The following TCF4 variants were observed in gnomAD, a reference collection of about 807,000 sequenced individuals.
The protein encoded by TCF4 is SL3-3 enhancer factor 2.
TCF4 carries 3 observed loss-of-function variants against 82.1 expected under a neutral mutation model. That is an observed-to-expected ratio of 0.04 (90% confidence interval 0.02 to 0.09). The LOEUF is 0.09. TCF4 is among the 10% of genes least tolerant of loss of function. The pLI is 1.00. For missense variants in TCF4, 518 were observed against 852.7 expected, an observed-to-expected ratio of 0.61 and a Z score of 4.89; for synonymous variants, 276 against 309.6, an observed-to-expected ratio of 0.89 and a Z score of 1.14.
intron 6 of TCF4, chr18:55,400,904 G>A (rs2093776336): frequency 5.7e-6 from 7 of 1,228,706 alleles, no homozygotes; most frequent in East Asian, 1.1e-4. Context: ...AGCTTTTGGA[G>A]CTCCTTAGGG....
intron 6 of TCF4, among the ~76,000 whole-genome samples, chr18:55,357,854 A>C (rs1305011310): frequency 6.6e-6 from 1 of 152,230 alleles, no homozygotes; most frequent in Non-Finnish European, 1.5e-5. Context: ...ACTATAACAA[A>C]GTGTCCCGCT....
chr18:55,446,339 C>T lies in TCF4; in HGVS notation c.304+14680G>A, dbSNP rs181199751. Among the ~76,000 whole-genome samples the T allele has an allele frequency of 6.5e-3, 983 of 152,222 alleles. 3 individuals carry two copies. Among genetic ancestry groups the T allele is most frequent in the Middle Eastern group, 0.014 (4 of 294 alleles). The stretch of plus-strand genomic sequence containing the variant: ...ACCTCCTAAAATGAAGGGGAAAAAC[C>T]CCTTTGTTTTACTAACCTACCATTG... On this transcript the variant is annotated intron_variant, in intron 5 of 19. Transcript: ENST00000354452.
At chr18:55,446,859 GCC>G (rs1264050160) in intron 5 of TCF4, among the ~76,000 whole-genome samples, 12 of 151,916 alleles carry the variant, frequency 7.9e-5, no homozygotes, top group African/African-American at 2.9e-4. Context: ...GGTGGTAGAT[GCC>G]TGTAGTCCCA....
At chr18:55,409,505 C>T (rs72926962) in intron 5 of TCF4, among the ~76,000 whole-genome samples, 7,703 of 152,184 alleles carry the variant, frequency 0.051, 272 homozygotes, top group Non-Finnish European at 0.075. Flanking sequence ...CTGTACTTGG[C>T]TTTCAATTTA....
chr18:55,617,366 G>A (rs1423418509), intron 2 of TCF4, among the ~76,000 whole-genome samples: 1 of 152,096 alleles, frequency 6.6e-6, no homozygotes. Context: ...ATCAGAAAGT[G>A]TGATGCCTCC....
intron 3 of TCF4, among the ~76,000 whole-genome samples, chr18:55,528,608 C>T (rs1375453386): frequency 6.6e-6 from 1 of 152,148 alleles, no homozygotes; most frequent in Admixed American, 6.6e-5. Flanking sequence ...CTGTGTACAG[C>T]TAATGTTCAG....
chr18:55,302,272 T>G, intron 8 of TCF4: 1 of 730,400 alleles, frequency 1.4e-6, no homozygotes, highest in East Asian at 2.7e-5. Context: ...CGAATTAAAA[T>G]GAAAGTTCTG....
intron 3 of TCF4, among the ~76,000 whole-genome samples, chr18:55,464,600 G>C (rs2095965561): frequency 6.6e-6 from 1 of 152,130 alleles, no homozygotes. Context: ...GAAGACACCA[G>C]ACATGCAACA....
chr18:55,418,953 A>G (rs1320486060), intron 5 of TCF4, among the ~76,000 whole-genome samples: 1 of 152,176 alleles, frequency 6.6e-6, no homozygotes. Context: ...ATGTAGCCAC[A>G]TACACCTCAG....
chr18:55,302,354 C>G, intron 8 of TCF4: 1 of 1,444,042 alleles, frequency 6.9e-7, no homozygotes, highest in Non-Finnish European at 9.4e-7. Context: ...CACAGTGCAG[C>G]CCAAGAGGTG....
chr18:55,513,873 A>G (rs1390602881), intron 3 of TCF4, among the ~76,000 whole-genome samples: 5 of 152,318 alleles, frequency 3.3e-5, no homozygotes, highest in Middle Eastern at 3.4e-3. Flanking sequence ...CATATGCATT[A>G]AAGTTTGAGG....
At chr18:55,517,737 T>C (rs2096896811) in intron 3 of TCF4, among the ~76,000 whole-genome samples, 1 of 152,034 alleles carries the variant, frequency 6.6e-6, no homozygotes, top group Non-Finnish European at 1.5e-5. Context: ...CCCAGAGGAT[T>C]TATAAACATC....
intron 14 of TCF4, among the ~76,000 whole-genome samples, chr18:55,255,272 G>C (rs991672913): frequency 1.3e-5 from 2 of 152,096 alleles, no homozygotes; most frequent in African/African-American, 4.8e-5. Context: ...GTGGGTGTGT[G>C]GTGGTATGCG....
chr18:55,238,141 T>A (rs993185625), intron 15 of TCF4, among the ~76,000 whole-genome samples: 3 of 152,220 alleles, frequency 2.0e-5, no homozygotes, highest in Admixed American at 6.5e-5. Flanking sequence ...ATTCTAAGCA[T>A]GACATTTCGT....
At chr18:55,290,149 T>C (rs181443753) in intron 8 of TCF4, among the ~76,000 whole-genome samples, 15 of 152,356 alleles carry the variant, frequency 9.8e-5, no homozygotes, top group Admixed American at 5.2e-4. Flanking sequence ...TTACCTATAA[T>C]GGTCCTAAAG....
At chr18:55,320,744 C>T (rs1192460383) in intron 8 of TCF4, 1 of 152,240 alleles carries the variant, frequency 6.6e-6, no homozygotes, top group Non-Finnish European at 1.5e-5. Flanking sequence ...CTGCTTTTCA[C>T]TTTTCTCTCA....
chr18:55,592,069 A>G (rs140087816), upstream of TCF4, among the ~76,000 whole-genome samples: 69 of 152,324 alleles, frequency 4.5e-4, no homozygotes, highest in East Asian at 4.2e-3. Context: ...GAATTGTCAC[A>G]GAATGTTATA....
chr18:55,531,388 A>G (rs12968271), intron 3 of TCF4, among the ~76,000 whole-genome samples: 100,922 of 152,078 alleles, frequency 0.66, 33,920 homozygotes, highest in East Asian at 0.93. Flanking sequence ...TGATTGGTAT[A>G]AAGAAAGGAT....
chr18:55,520,182 G>C (rs561679807), intron 3 of TCF4, among the ~76,000 whole-genome samples: 1 of 152,126 alleles, frequency 6.6e-6, no homozygotes, highest in Non-Finnish European at 1.5e-5. Flanking sequence ...GATAGCATAA[G>C]AATGTCTCTA....
Sources: allele counts gnomAD v4.1 joint callset (sites outside exome capture counted in the v4.1 genomes callset), GRCh38; gene constraint gnomAD v4.1.1; transcripts MANE v1.5; gene names NCBI Gene and HGNC (gene_info 2026-07-23, HGNC 2026-07-21).